Variants in OPCML observed in about 807,000 individuals in gnomAD.
The protein encoded by OPCML is opioid-binding protein/cell adhesion molecule.
A neutral mutation model predicts 37.8 loss-of-function variants in OPCML; 13 were observed. The ratio of observed to expected loss-of-function variants is 0.34; its 90% CI spans 0.22 to 0.55. The LOEUF is 0.55. OPCML is among the 20% of genes least tolerant of loss of function. The pLI is 0.91. For missense variants in OPCML, 341 were observed against 435.6 expected (o/e 0.78, Z 1.93); for synonymous variants, 176 against 168.8 (o/e 1.04, Z -0.33).
chr11:132,479,906 C>T (rs1412961856), intron 4 of OPCML, among the ~76,000 whole-genome samples: 2 of 152,126 alleles, frequency 1.3e-5, no homozygotes, highest in Non-Finnish European at 2.9e-5. Flanking sequence ...GCAGATAAAA[C>T]ACAAAGATGG....
chr11:133,241,746 C>G (rs1260214105), intron 1 of OPCML, among the ~76,000 whole-genome samples: 1 of 152,212 alleles, frequency 6.6e-6, no homozygotes, highest in Non-Finnish European at 1.5e-5. Context: ...CACTCCCCGC[C>G]GCCATCAGGA....
chr11:133,452,769 T>C (rs1338331959), intron 1 of OPCML, among the ~76,000 whole-genome samples: 1 of 151,742 alleles, frequency 6.6e-6, no homozygotes, highest in Admixed American at 6.6e-5. Flanking sequence ...GATGTGTTCT[T>C]CTGTCAAATG....
chr11:132,912,581 C>T (rs1282806705), intron 2 of OPCML, among the ~76,000 whole-genome samples: 1 of 152,174 alleles, frequency 6.6e-6, no homozygotes, highest in East Asian at 1.9e-4. Flanking sequence ...AAGGAAAACT[C>T]TAAAATGGAT....
At chr11:132,518,192 T>A (rs2096284347) in intron 4 of OPCML, among the ~76,000 whole-genome samples, 1 of 152,214 alleles carries the variant, frequency 6.6e-6, no homozygotes, top group African/African-American at 2.4e-5. Context: ...AAGACCCGCA[T>A]GCATTAGCTA....
chr11:133,109,913 A>T (rs1406631255), intron 1 of OPCML, among the ~76,000 whole-genome samples: 1 of 152,236 alleles, frequency 6.6e-6, no homozygotes, highest in Non-Finnish European at 1.5e-5. Flanking sequence ...TAGAATGCAT[A>T]GTACTTAATC....
At chr11:133,408,615 C>T (rs1945574475) in intron 1 of OPCML, among the ~76,000 whole-genome samples, 2 of 152,114 alleles carry the variant, frequency 1.3e-5, no homozygotes. Context: ...GACACGACAC[C>T]ACCCAGAGGC....
At chr11:133,116,805 C>CATATATATATATATATATATATATATAT (rs1275607238) in intron 1 of OPCML, among the ~76,000 whole-genome samples, 1 of 144,154 alleles carries the variant, frequency 6.9e-6, no homozygotes, top group African/African-American at 2.7e-5. Context: ...TAAAACTATA[C>CATATATATATATATATATATATATATAT]ATATATATAT....
At chr11:132,431,160 C>A (rs1486597174) in intron 7 of OPCML, among the ~76,000 whole-genome samples, 1 of 152,228 alleles carries the variant, frequency 6.6e-6, no homozygotes, top group Non-Finnish European at 1.5e-5. Context: ...TTGGAGCAAG[C>A]TACTGTGCAA....
At chr11:133,406,719 G>A (rs1945534401) in intron 1 of OPCML, among the ~76,000 whole-genome samples, 1 of 152,192 alleles carries the variant, frequency 6.6e-6, no homozygotes, top group Non-Finnish European at 1.5e-5. Flanking sequence ...GAGACTGGGG[G>A]TAATTTGGGT....
chr11:132,759,689 T>C (rs1946191762), intron 2 of OPCML, among the ~76,000 whole-genome samples: 1 of 152,110 alleles, frequency 6.6e-6, no homozygotes, highest in Non-Finnish European at 1.5e-5. Flanking sequence ...CTTCTCTCTT[T>C]TCTTCCTTAT....
chr11:132,916,208 C>A (rs1464331009), intron 2 of OPCML, among the ~76,000 whole-genome samples: 1 of 152,130 alleles, frequency 6.6e-6, no homozygotes. Context: ...TTATAAGCCT[C>A]TTTATACTCC....
intron 3 of OPCML, among the ~76,000 whole-genome samples, chr11:132,626,814 CT>C (rs1407080641): frequency 1.1e-3 from 8 of 7,282 alleles, no homozygotes; most frequent in African/African-American, 5.2e-3. Context: ...AGGGAAGTTT[CT>C]CTCTCTCTCT....
intron 1 of OPCML, among the ~76,000 whole-genome samples, chr11:133,158,685 T>G (rs1010804705): frequency 8.7e-5 from 11 of 126,158 alleles, no homozygotes; most frequent in African/African-American, 3.7e-4. Flanking sequence ...GGTGACAGAG[T>G]GAGACTCTGT....
chr11:132,940,247 G>A (rs1439386289), intron 2 of OPCML, among the ~76,000 whole-genome samples: 2 of 152,170 alleles, frequency 1.3e-5, no homozygotes, highest in African/African-American at 2.4e-5. Context: ...CCCAGGTTTC[G>A]TGACTCCTTT....
intron 1 of OPCML, among the ~76,000 whole-genome samples, chr11:133,120,227 C>T (rs772381101): frequency 6.6e-6 from 1 of 152,116 alleles, no homozygotes; most frequent in Non-Finnish European, 1.5e-5. Context: ...TGTATACATA[C>T]AAACACACAT....
At chr11:132,903,527 AT>A (rs529230034) in intron 2 of OPCML, among the ~76,000 whole-genome samples, 71 of 152,302 alleles carry the variant, frequency 4.7e-4, no homozygotes, top group African/African-American at 1.7e-3. Flanking sequence ...TATGATGGGA[AT>A]TGGGCGTTGG....
chr11:133,467,023 T>C (rs1946990934), intron 1 of OPCML, among the ~76,000 whole-genome samples: 1 of 152,178 alleles, frequency 6.6e-6, no homozygotes, highest in South Asian at 2.1e-4. Flanking sequence ...AAAAAGTTCA[T>C]TTAAGAAAGC....
Position 132,422,856 on chromosome 11 carries a change from A to G in OPCML, c.917-2563T>C, listed in dbSNP as rs569587005. ...TTTGTGCAGGTTTTCCAGGGACCACAGTATCATGGTGTGAGAGAAACAATG... is the reference window on the plus strand; with the variant it reads ...TTTGTGCAGGTTTTCCAGGGACCACGGTATCATGGTGTGAGAGAAACAATG... On this transcript the variant is annotated intron_variant, in intron 7 of 7. Transcript: ENST00000524381. Among the ~76,000 whole-genome samples the G allele has an allele frequency of 1.8e-4, 28 of 152,300 alleles. No homozygotes were observed. The East Asian group carries it at 5.4e-3, about 29-fold the overall frequency.
At chr11:132,601,436 G>T (rs1307818721) in intron 3 of OPCML, among the ~76,000 whole-genome samples, 1 of 152,134 alleles carries the variant, frequency 6.6e-6, no homozygotes. Flanking sequence ...CCCTAGAAAT[G>T]CACTCATTTG....
Sources: gnomAD v4.1 joint callset for allele counts (sites outside exome capture counted in the v4.1 genomes callset) on GRCh38, gnomAD v4.1.1 for gene constraint, MANE v1.5 for transcripts, NCBI Gene and HGNC (gene_info 2026-07-23, HGNC 2026-07-21) for gene names.